MDGA2: variants seen among roughly 807,000 people sequenced by gnomAD.
MDGA2 encodes the protein MAM domain containing glycosylphosphatidylinositol anchor 2.
MDGA2 carries 40 observed loss-of-function variants against 117.8 expected under a neutral mutation model. The observed-to-expected ratio is 0.34, with a 90% CI of 0.26 to 0.44. The LOEUF (loss-of-function observed/expected upper bound fraction) is 0.44. Among genes scored for constraint, MDGA2 ranks in the 20% least tolerant of loss-of-function variants. MDGA2 has a pLI of 1.00. For missense variants in MDGA2, 1,123 were observed against 1,250.6 expected, an observed-to-expected ratio of 0.90 and a Z score of 1.54; for synonymous variants, 452 against 439.0, an observed-to-expected ratio of 1.03 and a Z score of -0.37.
At chr14:47,245,938 A>G (rs1887221440) in intron 2 of MDGA2, among the ~76,000 whole-genome samples, 1 of 151,652 alleles carries the variant, frequency 6.6e-6, no homozygotes. Context: ...GGTCATTATC[A>G]CCTCTTTTTG....
rs1275936799 is a variant in MDGA2 at position 46,841,752 on chromosome 14, T to C, written c.*179A>G. 19 of 453,772 alleles carry C rather than the reference T, an allele frequency of 4.2e-5. No homozygotes were observed. Among genetic ancestry groups the C allele is most frequent in the Non-Finnish European group, 7.5e-5 (19 of 251,998 alleles). 28.1% of individuals were successfully genotyped at this position (453,772 alleles called of 1,614,324 possible). A position where few individuals can be genotyped will look rare whatever the true frequency, so the allele number is the denominator to read the frequency against. On this transcript the variant is annotated 3_prime_UTR_variant, in exon 17 of 17. Transcript: ENST00000399232. ...TTTATGTTTAGTCTGGAATAAGTTATACTTCCATGATGTCTTTTTATCCCC... is the reference window on the plus strand; with the variant it reads ...TTTATGTTTAGTCTGGAATAAGTTACACTTCCATGATGTCTTTTTATCCCC...
chr14:47,230,837 T>C (rs1056109990), intron 2 of MDGA2, among the ~76,000 whole-genome samples: 2 of 151,994 alleles, frequency 1.3e-5, no homozygotes, highest in African/African-American at 4.8e-5. Flanking sequence ...TAAATGTTCA[T>C]GTAAGTAGCC....
intron 1 of MDGA2, among the ~76,000 whole-genome samples, chr14:47,561,371 T>C (rs1332841154): frequency 1.3e-5 from 2 of 152,022 alleles, no homozygotes; most frequent in Non-Finnish European, 2.9e-5. Flanking sequence ...GAGCATGGAA[T>C]GTTTTCCTAA....
At chr14:47,537,070 A>C (rs899804890) in intron 1 of MDGA2, among the ~76,000 whole-genome samples, 1 of 152,154 alleles carries the variant, frequency 6.6e-6, no homozygotes, top group Non-Finnish European at 1.5e-5. Context: ...ATCCATGAAG[A>C]AAAAAAGACT....
At chr14:46,877,351 T>C (rs547842972) in intron 12 of MDGA2, 138 bp downstream of exon 12, 241 of 464,252 alleles carry the variant, frequency 5.2e-4, no homozygotes, top group Non-Finnish European at 8.3e-4. Context: ...CTACATTTAA[T>C]GCCAATTTTA....
chr14:47,000,068 A>T (rs920604502), intron 8 of MDGA2, among the ~76,000 whole-genome samples: 57 of 151,462 alleles, frequency 3.8e-4, no homozygotes, highest in Non-Finnish European at 4.3e-4. Flanking sequence ...TATCTTGCCT[A>T]AAAAAAACTG....
chr14:47,438,319 C>A (rs10140014), intron 1 of MDGA2, among the ~76,000 whole-genome samples: 2 of 151,870 alleles, frequency 1.3e-5, no homozygotes, highest in Non-Finnish European at 2.9e-5. Context: ...AACAGCATAC[C>A]GAAAGTTACT....
intron 6 of MDGA2, among the ~76,000 whole-genome samples, chr14:47,065,856 C>T (rs1890061156): frequency 6.6e-6 from 1 of 152,144 alleles, no homozygotes. Context: ...TGAAAAGACT[C>T]TCTAAATCGA....
At chr14:47,452,375 T>C (rs141624013) in intron 1 of MDGA2, among the ~76,000 whole-genome samples, 1 of 152,252 alleles carries the variant, frequency 6.6e-6, no homozygotes, top group Non-Finnish European at 1.5e-5. Context: ...TGAAATCAAC[T>C]ATATCATGAC....
At chr14:47,574,187 C>T (rs1013514448) in intron 1 of MDGA2, among the ~76,000 whole-genome samples, 4 of 152,126 alleles carry the variant, frequency 2.6e-5, no homozygotes, top group South Asian at 2.1e-4. Context: ...AGGTATTAGG[C>T]GATTCAAACA....
intron 1 of MDGA2, among the ~76,000 whole-genome samples, chr14:47,624,842 A>C (rs1897112589): frequency 6.6e-6 from 1 of 152,214 alleles, no homozygotes; most frequent in African/African-American, 2.4e-5. Flanking sequence ...ACTGTATGTC[A>C]GGCACCCCAT....
intron 4 of MDGA2, among the ~76,000 whole-genome samples, chr14:47,137,758 CAA>C (rs1882527702): frequency 6.6e-6 from 1 of 151,930 alleles, no homozygotes; most frequent in Admixed American, 6.6e-5. Flanking sequence ...AAAGAATAGA[CAA>C]AAAAGAAAGA....
At chr14:47,498,876 A>T (rs1053233695) in intron 1 of MDGA2, among the ~76,000 whole-genome samples, 31 of 152,164 alleles carry the variant, frequency 2.0e-4, no homozygotes, top group African/African-American at 7.0e-4. Flanking sequence ...TTGGTCCGAA[A>T]ACTTTTTATA....
rs897253069 is a variant in MDGA2, at chr14:47,167,209, T to C, written c.596-22935A>G. On this transcript the variant is annotated intron_variant, in intron 3 of 16. Transcript: ENST00000399232. ...TCCAGACTATTATTGCTGAAGTTGA[T>C]ACATATTTTTTAAAGTAACTGGATA... Among the ~76,000 whole-genome samples the C allele has an allele frequency of 1.3e-5, 2 of 152,068 alleles. 1 individual carries two copies. Among genetic ancestry groups the C allele is most frequent in the African/African-American group, 4.8e-5 (2 of 41,404 alleles).
intron 9 of MDGA2, among the ~76,000 whole-genome samples, chr14:46,944,879 A>G (rs991033087): frequency 6.6e-6 from 1 of 151,994 alleles, no homozygotes; most frequent in African/African-American, 2.4e-5. Context: ...ATTTTCCCAT[A>G]ATACTTTGAA....
intron 1 of MDGA2, among the ~76,000 whole-genome samples, chr14:47,654,596 G>A (rs1217031047): frequency 6.6e-6 from 1 of 152,086 alleles, no homozygotes; most frequent in East Asian, 1.9e-4. Context: ...AAGATGCTGG[G>A]TCACCAGAGA....
At chr14:47,389,535 TA>T (rs1208539968) in intron 1 of MDGA2, among the ~76,000 whole-genome samples, 1 of 151,870 alleles carries the variant, frequency 6.6e-6, no homozygotes, top group Admixed American at 6.6e-5. Context: ...AAATGAAAAA[TA>T]AAAAGCTATT....
At chr14:47,072,102 G>GGC (rs1555349464) in intron 6 of MDGA2, among the ~76,000 whole-genome samples, 3 of 34,318 alleles carry the variant, frequency 8.7e-5, no homozygotes, top group African/African-American at 2.9e-4. Context: ...GTTGTTGTTT[G>GGC]GGGGGGGGGG....
Position 47,098,191 on chromosome 14 carries a change from G to C in MDGA2, c.926-1068C>G, listed in dbSNP as rs147141979. Among the ~76,000 whole-genome samples, 1,090 of 144,640 alleles carry C rather than the reference G, an allele frequency of 7.5e-3. 4 individuals are homozygous for C. Among genetic ancestry groups the C allele is most frequent in the Non-Finnish European group, 0.012 (786 of 66,660 alleles). 94.9% of individuals were successfully genotyped at this position (144,640 alleles called of 152,430 possible). ...TTTTTAATATATTAACTTCAGCTTA[G>C]AGTTGAGGAGTGTTTTACTCAGAAT... On this transcript the variant is annotated intron_variant, in intron 5 of 16. Coordinates refer to ENST00000399232, the MANE Select transcript of MDGA2 (RefSeq NM_001113498.3).
Sources: allele counts gnomAD v4.1 joint callset (sites outside exome capture counted in the v4.1 genomes callset), GRCh38; gene constraint gnomAD v4.1.1; transcripts MANE v1.5; gene names NCBI Gene and HGNC (gene_info 2026-07-23, HGNC 2026-07-21).